The following GLRA2 variants were observed in gnomAD, a reference collection of about 807,000 sequenced individuals.
GLRA2 encodes the protein glycine receptor alpha 2.
In GLRA2, 11 loss-of-function variants were observed where a neutral mutation model predicts 31.6. The observed-to-expected ratio is 0.35, with a 90% CI of 0.22 to 0.58. The LOEUF is 0.58. Ranked by LOEUF, GLRA2 falls within the 20% of genes least tolerant of loss-of-function variation. The probability of loss-of-function intolerance (pLI) is 0.84; values close to 1 mark genes in which losing one functional copy is unlikely to be tolerated. For missense variants in GLRA2, 212 were observed against 351.8 expected (o/e 0.60, Z 3.18); for synonymous variants, 132 against 134.0 (o/e 0.99, Z 0.10).
the GLRA2 span, among the ~76,000 whole-genome samples, chrX:14,451,056 C>G: frequency 2.7e-5 from 3 of 111,473 alleles, no homozygotes; most frequent in Non-Finnish European, 5.6e-5. Flanking sequence ...TCCTGCCAAA[C>G]TTAGCTTCAT....
intron 7 of GLRA2, among the ~76,000 whole-genome samples, chrX:14,611,859 A>T (rs1306901957): frequency 8.9e-6 from 1 of 112,116 alleles, no homozygotes; most frequent in Non-Finnish European, 1.9e-5. Context: ...TGTTGAAGAT[A>T]TTAGGTTGGT....
intron 7 of GLRA2, among the ~76,000 whole-genome samples, chrX:14,661,371 T>C (rs2090988976): frequency 8.9e-6 from 1 of 111,788 alleles, no homozygotes; most frequent in Non-Finnish European, 1.9e-5. Flanking sequence ...CAGTCCAAGT[T>C]ATTCTTGCTT....
intron 8 of GLRA2, among the ~76,000 whole-genome samples, chrX:14,698,295 T>C (rs1238009556): frequency 8.9e-6 from 1 of 111,758 alleles, no homozygotes; most frequent in African/African-American, 3.3e-5. Flanking sequence ...TTTCCCCTAG[T>C]TTGGGGCCCA....
the GLRA2 span, among the ~76,000 whole-genome samples, chrX:14,507,689 CTTTTTTTTTTTT>C: frequency 2.1e-5 from 1 of 46,629 alleles, no homozygotes; most frequent in Non-Finnish European, 3.9e-5. Context: ...GAAAGACATT[CTTTTTTTTTTTT>C]TTTTTTTTTT....
At chrX:14,627,108 C>A (rs1353411213) in intron 7 of GLRA2, among the ~76,000 whole-genome samples, 1 of 110,934 alleles carries the variant, frequency 9.0e-6, no homozygotes, top group Non-Finnish European at 1.9e-5. Context: ...CACTTGTGAT[C>A]TGGGTACTTC....
At chrX:14,644,590 A>T (rs1303168850) in intron 7 of GLRA2, among the ~76,000 whole-genome samples, 1 of 112,027 alleles carries the variant, frequency 8.9e-6, no homozygotes, top group Non-Finnish European at 1.9e-5. Flanking sequence ...CAGGGTGTCA[A>T]ATCAGGGTGA....
the GLRA2 span, among the ~76,000 whole-genome samples, chrX:14,520,173 G>A: frequency 8.9e-6 from 1 of 111,971 alleles, no homozygotes; most frequent in Non-Finnish European, 1.9e-5. Context: ...AATAACAAAA[G>A]TTTCAAATGT....
At chrX:14,671,966 T>C (rs1359893679) in intron 7 of GLRA2, among the ~76,000 whole-genome samples, 66 of 112,139 alleles carry the variant, frequency 5.9e-4, no homozygotes, top group Non-Finnish European at 1.1e-4. Context: ...CACCTTGACA[T>C]TGGGAACCCA....
rs111757969 is a variant in GLRA2, at chrX:14,575,202, A to AT, written c.270+818dup. On this transcript the variant is annotated intron_variant, in intron 3 of 8. Coordinates refer to ENST00000218075, the MANE Select transcript of GLRA2 (RefSeq NM_002063.4). ...CAGATACTATAAAATCTACCAGTGC[A>AT]TTTTTTTTTTTTTTTTGAGATGGAG... Among the ~76,000 whole-genome samples, 826 of 90,920 alleles carry AT rather than the reference A, an allele frequency of 9.1e-3. 11 individuals carry two copies. The highest frequency in any genetic ancestry group is 0.022 in the Admixed American group (185 of 8,566). 79.0% of individuals were successfully genotyped at this position (90,920 alleles called of 115,157 possible).
At chrX:14,471,844 T>C in the GLRA2 span, among the ~76,000 whole-genome samples, 1 of 112,216 alleles carries the variant, frequency 8.9e-6, no homozygotes, top group African/African-American at 3.2e-5. Context: ...TTGAGGTAAC[T>C]GGGTTTTATA....
chrX:14,532,833 A>C (rs1255528156), intron 2 of GLRA2, among the ~76,000 whole-genome samples: 1 of 111,755 alleles, frequency 8.9e-6, no homozygotes, highest in Non-Finnish European at 1.9e-5. Flanking sequence ...TTTAATTTTT[A>C]GACTTCGTAA....
chrX:14,608,916 TTTAAAC>T, intron 6 of GLRA2, 69 bp from the exon 7 acceptor site: 1 of 501,576 alleles, frequency 2.0e-6, no homozygotes, highest in Non-Finnish European at 3.4e-6. Context: ...TTTTTTTTTT[TTTAAAC>T]AACGTGGGAT....
In GLRA2 at chrX:14,595,077, G is replaced by C. The variant is rs761886135; in HGVS notation, c.495-9238G>C. Among the ~76,000 whole-genome samples the C allele has an allele frequency of 7.2e-5, 8 of 111,185 alleles. No individual in the cohort carries two copies. The East Asian group carries it at 2.3e-3, about 32-fold the overall frequency. On this transcript the variant is annotated intron_variant, in intron 4 of 8. Coordinates refer to ENST00000218075, the MANE Select transcript of GLRA2 (RefSeq NM_002063.4). ...ATATTGAAAAAATGATGTGTCTCTG[G>C]TGCCCAGCCACACTGTTCTGAGCCC...
At chrX:14,541,758 A>G (rs1350694701) in intron 2 of GLRA2, among the ~76,000 whole-genome samples, 1 of 111,854 alleles carries the variant, frequency 8.9e-6, no homozygotes, top group Non-Finnish European at 1.9e-5. Flanking sequence ...TATGTGATTC[A>G]GGAAAATTTA....
chrX:14,458,631 A>T, the GLRA2 span, among the ~76,000 whole-genome samples: 6 of 112,449 alleles, frequency 5.3e-5, no homozygotes, highest in Non-Finnish European at 1.1e-4. Context: ...AGTGATGATG[A>T]GCAGTTTTTC....
chrX:14,686,764 A>T (rs1424221836), intron 7 of GLRA2, among the ~76,000 whole-genome samples: 3 of 111,551 alleles, frequency 2.7e-5, no homozygotes, highest in Middle Eastern at 9.3e-3. Flanking sequence ...CTTGACTCTT[A>T]ATCCAATTTG....
chrX:14,507,844 C>T, the GLRA2 span, among the ~76,000 whole-genome samples: 3 of 107,251 alleles, frequency 2.8e-5, no homozygotes, highest in Non-Finnish European at 5.8e-5. Context: ...TAGGCACGTG[C>T]CACCACACCC....
chrX:14,617,545 A>G (rs1338234655), intron 7 of GLRA2, among the ~76,000 whole-genome samples: 1 of 111,582 alleles, frequency 9.0e-6, no homozygotes, highest in Non-Finnish European at 1.9e-5. Flanking sequence ...AATGCAGCAA[A>G]ACTAGAGGCT....
At chrX:14,686,911 C>A (rs1489352790) in intron 7 of GLRA2, among the ~76,000 whole-genome samples, 1 of 111,884 alleles carries the variant, frequency 8.9e-6, no homozygotes. Context: ...TTCCTAGCCT[C>A]GATGGTCTTT....
Sources: allele counts gnomAD v4.1 joint callset (sites outside exome capture counted in the v4.1 genomes callset), GRCh38; gene constraint gnomAD v4.1.1; transcripts MANE v1.5; gene names NCBI Gene and HGNC (gene_info 2026-07-23, HGNC 2026-07-21).